XAB2: variants seen among roughly 807,000 people sequenced by gnomAD.
The protein encoded by XAB2 is pre-mRNA-splicing factor SYF1.
Under a neutral mutation model 113.4 loss-of-function variants are expected in XAB2, and 57 were observed. The ratio of observed to expected loss-of-function variants is 0.50; its 90% CI spans 0.41 to 0.63. The LOEUF (loss-of-function observed/expected upper bound fraction) is 0.63. Among genes scored for constraint, XAB2 ranks in the 20% least tolerant of loss-of-function variants. The pLI, the probability that XAB2 is intolerant of heterozygous loss-of-function variation, is 0.00. For synonymous variants in XAB2, 497 were observed against 498.8 expected (o/e 1.00, Z 0.05); for missense variants, 1,037 against 1,233.3 (o/e 0.84, Z 2.38).
At position 7,619,728 on chromosome 19, in the gene XAB2, G is replaced by C. The variant is rs371353910; in HGVS notation, c.2506+19C>G. 6.2e-7 allele frequency: 1 copy of C among 1,612,780 alleles called. No homozygotes were observed. The highest frequency in any genetic ancestry group is 8.5e-7 in the Non-Finnish European group (1 of 1,179,526). ...CCACCCTGGTAATGCCACCGTCCCC[G>C]CCCCAGCCGGGCCCTCACCGTTGGG... On this transcript the variant is annotated intron_variant, in intron 18 of 18. Coordinates refer to ENST00000358368, the MANE Select transcript of XAB2 (RefSeq NM_020196.3).
rs369409872 is a variant in XAB2 at position 7,620,283 on chromosome 19, G to A, written c.2258C>T (p.Thr753Met). ...CAGCTGGGACGGCTCACCGGTGCCCGTGGCACTGCCCGAGACCTTGAGCAT... is the reference window on the plus strand; with the variant it reads ...CAGCTGGGACGGCTCACCGGTGCCCATGGCACTGCCCGAGACCTTGAGCAT... The part of the protein sequence containing the change: ...SQMLKVSGSA[T>M]GTVSDLAPGQ... Residue 753 changes from threonine (T) to methionine (M), a missense_variant, in exon 16 of 19, where the codon ACG (threonine) becomes ATG (methionine). Thr to Met is a moderately conservative substitution (Grantham distance 81, BLOSUM62 -1). Transcript: ENST00000358368. 5.0e-5 allele frequency: 81 copies of A among 1,613,132 alleles called. No individual in the cohort carries two copies. Among genetic ancestry groups the A allele is most frequent in the Non-Finnish European group, 6.4e-5 (76 of 1,180,016 alleles).
rs762179329 is a variant in XAB2 at position 7,622,908 on chromosome 19, A to G, written c.1240-15T>C. 1 of 1,612,482 alleles carries G rather than the reference A, an allele frequency of 6.2e-7. No individual in the cohort carries two copies. Among genetic ancestry groups the G allele is most frequent in the Admixed American group, 1.7e-5 (1 of 59,808 alleles). ...ATGACACGGGCCTGCCGGGGCGGGC[A>G]GAGGCGAGGCTGAGACCCTGCCCAC... On this transcript the variant is annotated splice_polypyrimidine_tract_variant and intron_variant, in intron 9 of 18. Transcript: ENST00000358368.
rs547975776 is a variant in XAB2 at position 7,624,727 on chromosome 19, T to G, written c.823-282A>C. ...CCTCAGGGCTCGACTGAGACACATGTGTGAAGCACTTGGCACCCAATAGGT... is the reference window on the plus strand; with the variant it reads ...CCTCAGGGCTCGACTGAGACACATGGGTGAAGCACTTGGCACCCAATAGGT... On this transcript the variant is annotated intron_variant, in intron 6 of 18. Transcript: ENST00000358368. This position sits in a 1 kb window ranked among gnomAD's most constrained non-coding sequence, Gnocchi z 4.2. Among the ~76,000 whole-genome samples, 4 of 152,298 alleles carry G rather than the reference T, an allele frequency of 2.6e-5. No homozygotes were observed. The South Asian group carries it at 6.2e-4, about 24-fold the overall frequency.
Position 7,619,558 on chromosome 19 carries a change from TGGGGAGGGGGGATG to T in XAB2, c.*14_*27del. ...AAACGTAGCTGTATTGGGGAGGGGG[TGGGGAGGGGGGATG>T]GGGGAGGGACGGGTCAGTCTTCCTT... On this transcript the variant is annotated 3_prime_UTR_variant, in exon 19 of 19. Coordinates refer to ENST00000358368, the MANE Select transcript of XAB2 (RefSeq NM_020196.3). 3.8e-6 allele frequency: 3 copies of T among 790,416 alleles called. No individual in the cohort carries two copies. The highest frequency in any genetic ancestry group is 4.9e-6 in the Non-Finnish European group (3 of 617,248). 49.0% of individuals were successfully genotyped at this position (790,416 alleles called of 1,614,324 possible). A position where few individuals can be genotyped will look rare whatever the true frequency, so the allele number is the denominator to read the frequency against.
Position 7,627,947 on chromosome 19 carries a change from G to A in XAB2, c.201-96C>T. The stretch of plus-strand genomic sequence containing the variant: ...CCAGTTGGCAAATGTGGGAAGAAGG[G>A]GTGTGGGAGGGGTGACATGTCTCAG... On this transcript the variant is annotated intron_variant, in intron 2 of 18. Transcript: ENST00000358368. The surrounding 1 kb of genome is among the most constrained non-coding windows in gnomAD (Gnocchi z 4.5). 6.5e-7 allele frequency: 1 copy of A among 1,549,184 alleles called. No homozygotes were observed. Among genetic ancestry groups the A allele is most frequent in the Non-Finnish European group, 8.7e-7 (1 of 1,144,156 alleles).
chr19:7,628,231 C>G lies in XAB2; in HGVS notation c.119G>C (p.Arg40Pro). Reference protein sequence around the residue: ...RNQFSVKCWLRYIEFKQGAPK... With the variant: ...RNQFSVKCWLPYIEFKQGAPK... ...GGCGCCCTGTTTGAACTCGATGTAG[C>G]GAAGCCAGCATTTGACAGAGAATTG... Residue 40 changes from arginine to proline, a missense_variant, in exon 2 of 19, where the codon CGC (arginine) becomes CCC (proline). Coordinates refer to ENST00000358368, the MANE Select transcript of XAB2 (RefSeq NM_020196.3). The surrounding 1 kb of genome is among the most constrained non-coding windows in gnomAD (Gnocchi z 4.6). 6.2e-7 allele frequency: 1 copy of G among 1,614,110 alleles called. No individual in the cohort carries two copies. The highest frequency in any genetic ancestry group is 8.5e-7 in the Non-Finnish European group (1 of 1,180,024).
In XAB2 at chr19:7,626,279, C is replaced by T; in HGVS notation, c.523-9G>A. ...GCACTCTCAGGACTCAGCTGGGGAC[C>T]GAGCCACCCCTCAGGCAGTCAGTGG... On this transcript the variant is annotated splice_polypyrimidine_tract_variant and intron_variant, in intron 4 of 18. Transcript: ENST00000358368. The T allele has an allele frequency of 3.1e-6, 5 of 1,605,036 alleles. No homozygotes were observed. The highest frequency in any genetic ancestry group is 3.4e-6 in the Non-Finnish European group (4 of 1,176,452).
In XAB2 at chr19:7,624,576, T is replaced by C. The variant is rs561480729; in HGVS notation, c.823-131A>G. ...TAGTGACGCATCCAGCACCTCTGGG[T>C]AGTGACCCCAGGACAGAGCCTCCGT... On this transcript the variant is annotated intron_variant, in intron 6 of 18. Transcript: ENST00000358368. This position sits in a 1 kb window ranked among gnomAD's most constrained non-coding sequence, Gnocchi z 4.2. 7.3e-7 allele frequency: 1 copy of C among 1,373,614 alleles called. No individual in the cohort carries two copies. Among genetic ancestry groups the C allele is most frequent in the Non-Finnish European group, 9.9e-7 (1 of 1,005,684 alleles). 85.1% of individuals were successfully genotyped at this position (1,373,614 alleles called of 1,614,324 possible).
chr19:7,628,184 G>A lies in XAB2; in HGVS notation c.166C>T (p.Leu56=). Residue 56 remains leucine (L), a synonymous_variant, in exon 2 of 19, where the codon CTA becomes TTA. Coordinates refer to ENST00000358368, the MANE Select transcript of XAB2 (RefSeq NM_020196.3). This position sits in a 1 kb window ranked among gnomAD's most constrained non-coding sequence, Gnocchi z 4.6. ...QGAPKPRLNQ[L]YERALKLLPC... is the part of the protein sequence containing the mutation. ...AGCAGCTTGAGTGCCCGCTCGTATA[G>A]CTGATTGAGCCTGGGCTTCGGGGCG... 6 of 1,613,980 alleles carry A rather than the reference G, an allele frequency of 3.7e-6. No individual in the cohort carries two copies. Among genetic ancestry groups the A allele is most frequent in the Non-Finnish European group, 5.1e-6 (6 of 1,179,972 alleles).
Position 7,621,052 on chromosome 19 carries a change from G to A in XAB2, c.1781-16C>T, listed in dbSNP as rs778428655. 3.3e-5 allele frequency: 51 copies of A among 1,541,624 alleles called. No homozygotes were observed. The highest frequency in any genetic ancestry group is 4.8e-5 in the South Asian group (4 of 82,958). On this transcript the variant is annotated splice_polypyrimidine_tract_variant and intron_variant, in intron 13 of 18. Transcript: ENST00000358368. ...AGGTACAAGGCTGGGCGGGGTAGGC[G>A]GGGAGAGGGGAGCACGGTCAGCCGG...
intron 12 of XAB2, 139 bp from the exon 13 acceptor site, chr19:7,621,436 T>C (rs2031031934): frequency 4.4e-6 from 4 of 903,228 alleles, no homozygotes; most frequent in Non-Finnish European, 6.8e-6. Context: ...TCCCTGTCCC[T>C]AATGGCAGTT....
Position 7,626,063 on chromosome 19 carries a change from TGGGGGAGA to T in XAB2, c.658-27_658-20del. ...GCCACAGCTGCAGGGCATGGGGCAGTGGGGGAGAGTCTCAGGCTCAGTCATGGAGGGGG... is the reference window on the plus strand; with the variant it reads ...GCCACAGCTGCAGGGCATGGGGCAGTGTCTCAGGCTCAGTCATGGAGGGGG... On this transcript the variant is annotated intron_variant, in intron 5 of 18. Coordinates refer to ENST00000358368, the MANE Select transcript of XAB2 (RefSeq NM_020196.3). 6.2e-7 allele frequency: 1 copy of T among 1,608,174 alleles called. No individual in the cohort carries two copies. Among genetic ancestry groups the T allele is most frequent in the Non-Finnish European group, 8.5e-7 (1 of 1,175,644 alleles).
intron 12 of XAB2, 143 bp from the exon 13 acceptor site, chr19:7,621,440 G>A: frequency 1.2e-6 from 1 of 852,744 alleles, no homozygotes; most frequent in Non-Finnish European, 1.8e-6. Flanking sequence ...TGTCCCTAAT[G>A]GCAGTTGTGG....
Position 7,623,023 on chromosome 19 carries a change from C to A in XAB2, c.1240-130G>T, listed in dbSNP as rs1201309123. ...ACACAGGCACACACACAGGCACACA[C>A]ATGCGTGCACATATGCATGCACCCA... is the stretch of plus-strand genomic sequence containing the variant. On this transcript the variant is annotated intron_variant, in intron 9 of 18. Transcript: ENST00000358368. The surrounding 1 kb of genome is among the most constrained non-coding windows in gnomAD (Gnocchi z 4.6). The A allele has an allele frequency of 3.9e-6, 6 of 1,531,422 alleles. No homozygotes were observed. In the African/African-American group the frequency reaches 4.1e-5, roughly 10 times the overall value. The allele number at this position is 1,531,422 out of a possible 1,614,324, so 94.9% of individuals were successfully genotyped here. A position where few individuals can be genotyped will look rare whatever the true frequency, so the allele number is the denominator to read the frequency against.
Position 7,624,876 on chromosome 19 carries a change from C to A in XAB2, c.823-431G>T, listed in dbSNP as rs1268502573. 6.6e-6 allele frequency among the ~76,000 whole-genome samples: 1 copy of A among 152,206 alleles called. No individual in the cohort carries two copies. The highest frequency in any genetic ancestry group is 6.5e-5 in the Admixed American group (1 of 15,286). ...GCTTGCCTGACCCTCTTCCCCAGCCCGCCTGTCCTCCACCTGGCTCGCCCA... is the reference window on the plus strand; with the variant it reads ...GCTTGCCTGACCCTCTTCCCCAGCCAGCCTGTCCTCCACCTGGCTCGCCCA... On this transcript the variant is annotated intron_variant, in intron 6 of 18. Transcript: ENST00000358368. The surrounding 1 kb of genome is among the most constrained non-coding windows in gnomAD (Gnocchi z 4.2).
chr19:7,626,125 G>T lies in XAB2; in HGVS notation c.657+11C>A. On this transcript the variant is annotated intron_variant, in intron 5 of 18. Coordinates refer to ENST00000358368, the MANE Select transcript of XAB2 (RefSeq NM_020196.3). The stretch of plus-strand genomic sequence containing the variant: ...CCCTCCCACCCAGTTGCCGGCTCCC[G>T]GCAGGCCCACCTGGTAGTTGGACTT... The T allele has an allele frequency of 6.2e-7, 1 of 1,613,174 alleles. No individual in the cohort carries two copies. Among genetic ancestry groups the T allele is most frequent in the Non-Finnish European group, 8.5e-7 (1 of 1,179,682 alleles).
In XAB2 at chr19:7,619,862, G is replaced by T; in HGVS notation, c.2397-6C>A. ...CCTCCCGGGAGGCGTCACTCCTAGG[G>T]ACGGGCCATGCTGCCTCAGTTCCCC... On this transcript the variant is annotated splice_region_variant and splice_polypyrimidine_tract_variant and intron_variant, in intron 17 of 18. Transcript: ENST00000358368. 6.2e-7 allele frequency: 1 copy of T among 1,611,416 alleles called. No individual in the cohort carries two copies. Among genetic ancestry groups the T allele is most frequent in the Non-Finnish European group, 8.5e-7 (1 of 1,179,890 alleles).
Position 7,624,485 on chromosome 19 carries a change from C to T in XAB2, c.823-40G>A, listed in dbSNP as rs775950228. 54 of 1,612,568 alleles carry T rather than the reference C, an allele frequency of 3.3e-5. No homozygotes were observed. In the South Asian group the frequency reaches 3.5e-4, roughly 10 times the overall value. On this transcript the variant is annotated intron_variant, in intron 6 of 18. Transcript: ENST00000358368. The surrounding 1 kb of genome is among the most constrained non-coding windows in gnomAD (Gnocchi z 4.2). ...GGAAGGGGAGGTGAGAGGAAAGTGG[C>T]GCAGGGGACAGGCAGCAGCACTCTT...
chr19:7,623,045 C>T lies in XAB2; in HGVS notation c.1239+125G>A, dbSNP rs541201432. On this transcript the variant is annotated intron_variant, in intron 9 of 18. Transcript: ENST00000358368. The surrounding 1 kb of genome is among the most constrained non-coding windows in gnomAD (Gnocchi z 4.6). ...ACACATGCGTGCACATATGCATGCA[C>T]CCAAATGCACATGCACACACACGTG... 8.6e-5 allele frequency: 133 copies of T among 1,545,688 alleles called. 1 individual carries two copies. In the South Asian group the frequency reaches 1.5e-3, roughly 17 times the overall value.
Sources: allele counts gnomAD v4.1 joint callset (sites outside exome capture counted in the v4.1 genomes callset), GRCh38; gene constraint gnomAD v4.1.1; non-coding constraint Gnocchi (gnomAD v3.1); transcripts MANE v1.5; gene names NCBI Gene and HGNC (gene_info 2026-07-23, HGNC 2026-07-21).